Variants in ZZZ3 observed in about 807,000 individuals in gnomAD.
The protein encoded by ZZZ3 is ZZ-type zinc finger-containing protein 3.
A neutral mutation model predicts 95.2 loss-of-function variants in ZZZ3; 22 were observed. The observed-to-expected ratio is 0.23, with a 90% CI of 0.17 to 0.33. The LOEUF (loss-of-function observed/expected upper bound fraction) is 0.33, where lower values mean the gene tolerates loss of function less well. Ranked by LOEUF, ZZZ3 falls within the 10% of genes least tolerant of loss-of-function variation. The pLI is 1.00. For missense variants in ZZZ3, 885 were observed against 1,066.5 expected (o/e 0.83, Z 2.37); for synonymous variants, 335 against 358.9 (o/e 0.93, Z 0.75).
At position 77,639,499 on chromosome 1, in the gene ZZZ3, A is replaced by G; in HGVS notation, c.-102T>C. On this transcript the variant is annotated 5_prime_UTR_variant, in exon 4 of 15. Transcript: ENST00000370801. Reference sequence around the variant, plus strand: ...TGGAAATATAATCTCTTTTCCTTATATCCTGAAGGAGTTGGAGCTATGATC... The same window carrying G: ...TGGAAATATAATCTCTTTTCCTTATGTCCTGAAGGAGTTGGAGCTATGATC... The G allele has an allele frequency of 2.7e-6, 4 of 1,489,220 alleles. No homozygotes were observed. Among genetic ancestry groups the G allele is most frequent in the Non-Finnish European group, 3.6e-6 (4 of 1,116,684 alleles). 92.3% of individuals were successfully genotyped at this position (1,489,220 alleles called of 1,614,324 possible). A position where few individuals can be genotyped will look rare whatever the true frequency, so the allele number is the denominator to read the frequency against.
At position 77,651,477 on chromosome 1, in the gene ZZZ3, T is replaced by C. The variant is rs189557080; in HGVS notation, c.-402-9822A>G. Among the ~76,000 whole-genome samples, 16 of 152,356 alleles carry C rather than the reference T, an allele frequency of 1.1e-4. No homozygotes were observed. In the East Asian group the frequency reaches 2.9e-3, roughly 28 times the overall value. On this transcript the variant is annotated intron_variant, in intron 1 of 14. Coordinates refer to ENST00000370801, the MANE Select transcript of ZZZ3 (RefSeq NM_015534.6). Reference sequence around the variant, plus strand: ...TTTATTACATATGATGCTAAAAGCATAACCAACAAGGACAAATGTGTGATT... The same window carrying C: ...TTTATTACATATGATGCTAAAAGCACAACCAACAAGGACAAATGTGTGATT...
At position 77,631,922 on chromosome 1, in the gene ZZZ3, G is replaced by C; in HGVS notation, c.1433C>G (p.Thr478Arg). ...SAKESASQHI[T>R]EEEDDDPDVY... ...ATCAGGATCATCATCTTCCTCTTCT[G>C]TAATGTGCTGACTGGCACTCTCTTT... Residue 478 changes from threonine (T) to arginine (R), a missense_variant, in exon 5 of 15, where the codon ACA becomes AGA. By Grantham distance (71) the Thr-to-Arg change is moderately conservative (BLOSUM62 -1). This residue lies in a region of ZZZ3 where 556 missense variants were observed against 652.9 expected (regional missense o/e 0.85). Transcript: ENST00000370801. The C allele has an allele frequency of 6.2e-7, 1 of 1,613,974 alleles. No individual in the cohort carries two copies. Among genetic ancestry groups the C allele is most frequent in the Non-Finnish European group, 8.5e-7 (1 of 1,179,924 alleles).
At chr1:77,603,178 A>C (rs1664904364) in intron 5 of ZZZ3, among the ~76,000 whole-genome samples, 3 of 152,074 alleles carry the variant, frequency 2.0e-5, no homozygotes, top group Non-Finnish European at 4.4e-5. Flanking sequence ...TCCTGGGCTG[A>C]ATCAATCCTC....
chr1:77,585,493 C>CA (rs1662995292), intron 5 of ZZZ3, among the ~76,000 whole-genome samples: 1 of 152,166 alleles, frequency 6.6e-6, no homozygotes, highest in Non-Finnish European at 1.5e-5. Flanking sequence ...TCCGAATGCT[C>CA]AAATACATTT....
chr1:77,602,762 T>C (rs1426349876), intron 5 of ZZZ3, among the ~76,000 whole-genome samples: 1 of 151,898 alleles, frequency 6.6e-6, no homozygotes, highest in African/African-American at 2.4e-5. Context: ...TGCATCACCA[T>C]ATCTGGCTAA....
At chr1:77,674,965 AAAAG>A (rs1404230794) in intron 1 of ZZZ3, among the ~76,000 whole-genome samples, 2 of 151,902 alleles carry the variant, frequency 1.3e-5, no homozygotes, top group African/African-American at 4.8e-5. Context: ...AAAAAAAAAA[AAAAG>A]AAACATTACT....
At chr1:77,574,971 G>T (rs1661777926) in intron 12 of ZZZ3, among the ~76,000 whole-genome samples, 1 of 152,090 alleles carries the variant, frequency 6.6e-6, no homozygotes, top group Non-Finnish European at 1.5e-5. Flanking sequence ...AGATCACGAG[G>T]TCAGGACATC....
At chr1:77,613,535 G>T (rs914515855) in intron 5 of ZZZ3, among the ~76,000 whole-genome samples, 6 of 151,162 alleles carry the variant, frequency 4.0e-5, no homozygotes, top group Non-Finnish European at 8.8e-5. Context: ...CTTGGTATAT[G>T]TTTATATGGT....
intron 1 of ZZZ3, among the ~76,000 whole-genome samples, chr1:77,642,871 G>C (rs1340912677): frequency 6.6e-6 from 1 of 152,150 alleles, no homozygotes; most frequent in Non-Finnish European, 1.5e-5. Flanking sequence ...ATTAACAATA[G>C]AGCGATTAAG....
chr1:77,666,608 CAATA>C (rs1300811728), intron 1 of ZZZ3, among the ~76,000 whole-genome samples: 12 of 152,070 alleles, frequency 7.9e-5, no homozygotes, highest in Non-Finnish European at 1.8e-4. Flanking sequence ...AAATCTCGCT[CAATA>C]AATAAATAAA....
At chr1:77,640,116 C>CA (rs1485422497) in intron 3 of ZZZ3, among the ~76,000 whole-genome samples, 1 of 152,054 alleles carries the variant, frequency 6.6e-6, no homozygotes, top group Admixed American at 6.6e-5. Context: ...TCAAGTGCTA[C>CA]AAAATTCAAT....
intron 5 of ZZZ3, among the ~76,000 whole-genome samples, chr1:77,624,165 A>G (rs994744784): frequency 6.6e-6 from 1 of 152,178 alleles, no homozygotes; most frequent in Non-Finnish European, 1.5e-5. Context: ...GGGATGCTAG[A>G]AAAATCTTTG....
chr1:77,645,970 CAAA>C (rs373733260), intron 1 of ZZZ3, among the ~76,000 whole-genome samples: 4 of 57,844 alleles, frequency 6.9e-5, no homozygotes, highest in African/African-American at 6.7e-5. Flanking sequence ...GACTCCATCT[CAAA>C]AAAAAAAAAA....
chr1:77,624,608 C>T (rs1419683067), intron 5 of ZZZ3, among the ~76,000 whole-genome samples: 2 of 152,094 alleles, frequency 1.3e-5, no homozygotes, highest in Non-Finnish European at 2.9e-5. Flanking sequence ...CAGACCTTGC[C>T]GTACATACAT....
At chr1:77,587,198 A>G (rs1663164901) in intron 5 of ZZZ3, among the ~76,000 whole-genome samples, 1 of 148,490 alleles carries the variant, frequency 6.7e-6, no homozygotes, top group Non-Finnish European at 1.5e-5. Context: ...TAGTCCATCT[A>G]GTTTTTTATG....
intron 5 of ZZZ3, among the ~76,000 whole-genome samples, chr1:77,627,793 C>G (rs1667458668): frequency 6.6e-6 from 1 of 152,164 alleles, no homozygotes; most frequent in African/African-American, 2.4e-5. Context: ...ATGAGTTAAT[C>G]TTTGTAAGAG....
In ZZZ3 at chr1:77,632,707, A is replaced by G. The variant is rs1186180214; in HGVS notation, c.648T>C (p.Asp216=). 1 of 1,614,218 alleles carries G rather than the reference A, an allele frequency of 6.2e-7. No homozygotes were observed. The highest frequency in any genetic ancestry group is 1.7e-5 in the Admixed American group (1 of 60,020). ...TAGTGTTCCCATCAGGCTGACAGTC[A>G]TCACAGTTTATAACAGCTGAATCAC... ...DDSDSAVINC[D]DCQPDGNTKQ... Residue 216 remains aspartate, a synonymous_variant, in exon 5 of 15, where the codon GAT becomes GAC. Coordinates refer to ENST00000370801, the MANE Select transcript of ZZZ3 (RefSeq NM_015534.6).
rs1372656167 is a variant in ZZZ3, at chr1:77,568,468, TATCA to T, written c.2332-6_2332-3del. On this transcript the variant is annotated splice_region_variant and splice_polypyrimidine_tract_variant and intron_variant, in intron 12 of 14. Coordinates refer to ENST00000370801, the MANE Select transcript of ZZZ3 (RefSeq NM_015534.6). ...CATGATAGGAATACTTTCGTCATCC[TATCA>T]AAAAAAAAAAAAAAAAAAAATGTTG... The T allele has an allele frequency of 3.0e-6, 2 of 672,972 alleles. No homozygotes were observed. The highest frequency in any genetic ancestry group is 2.0e-6 in the Non-Finnish European group (1 of 501,030). The allele number at this position is 672,972 out of a possible 1,614,324, so 41.7% of individuals were successfully genotyped here. A position where few individuals can be genotyped will look rare whatever the true frequency, so the allele number is the denominator to read the frequency against.
chr1:77,576,283 A>G (rs1285347645), intron 11 of ZZZ3, 63 bp from the exon 12 acceptor site: 3 of 1,339,544 alleles, frequency 2.2e-6, no homozygotes, highest in Non-Finnish European at 3.1e-6. Flanking sequence ...TCAAAAATAT[A>G]AAAATACAAA....
Sources: gnomAD v4.1 joint callset for allele counts (sites outside exome capture counted in the v4.1 genomes callset) on GRCh38, gnomAD v4.1.1 for gene constraint, gnomAD v4.1.1 regional missense constraint, MANE v1.5 for transcripts, NCBI Gene and HGNC (gene_info 2026-07-23, HGNC 2026-07-21) for gene names.